Variants in PRRC2C observed in about 807,000 individuals in gnomAD.
PRRC2C encodes the protein protein PRRC2C.
Under a neutral mutation model 317.2 loss-of-function variants are expected in PRRC2C, and 72 were observed. The observed-to-expected ratio is 0.23, with a 90% CI of 0.19 to 0.28. PRRC2C has a LOEUF of 0.28. Ranked by LOEUF, PRRC2C falls within the 10% of genes least tolerant of loss-of-function variation. The probability of loss-of-function intolerance (pLI) is 1.00; values close to 1 mark genes in which losing one functional copy is unlikely to be tolerated. For missense variants in PRRC2C, 3,074 were observed against 3,459.7 expected (o/e 0.89, Z 2.80); for synonymous variants, 1,296 against 1,205.9 (o/e 1.07, Z -1.55).
chr1:171,542,654 A>G (rs1255707413), intron 16 of PRRC2C, among the ~76,000 whole-genome samples: 2 of 152,250 alleles, frequency 1.3e-5, no homozygotes, highest in African/African-American at 4.8e-5. Context: ...AGAGAGGCCC[A>G]GAAAACAAAT....
At chr1:171,538,652 C>T (rs1027003753) in intron 15 of PRRC2C, among the ~76,000 whole-genome samples, 11 of 152,148 alleles carry the variant, frequency 7.2e-5, no homozygotes, top group African/African-American at 1.9e-4. Context: ...TAGAAATTCA[C>T]ATCAGCATGG....
chr1:171,513,161 T>C lies in PRRC2C; in HGVS notation c.279T>C (p.His93=). 6.2e-7 allele frequency: 1 copy of C among 1,610,626 alleles called. No individual in the cohort carries two copies. The highest frequency in any genetic ancestry group is 8.5e-7 in the Non-Finnish European group (1 of 1,178,592). ...GGTGGGCATCAAAACAAGAGCAACA[T>C]GAAGAAGAAAAGTGAGTCAAAGTCT... ...GTGWASKQEQ[H]EEEKTPEVPP... is the part of the protein sequence containing the mutation. The change falls in exon 3 of 35, where the codon CAT becomes CAC. Residue 93 remains histidine, a synonymous_variant. Coordinates refer to ENST00000647382, the MANE Select transcript of PRRC2C (RefSeq NM_001387844.1).
Position 171,579,863 on chromosome 1 carries a change from T to C in PRRC2C, c.7308T>C (p.Tyr2436=), listed in dbSNP as rs762510017. 1 of 1,589,368 alleles carries C rather than the reference T, an allele frequency of 6.3e-7. No individual in the cohort carries two copies. The highest frequency in any genetic ancestry group is 8.5e-7 in the Non-Finnish European group (1 of 1,171,108). ...TSVQQIPIPI[Y]APLQGQHQAQ... Reference sequence around the variant, plus strand: ...TTCAGCAGATTCCAATCCCTATTTATGCACCACTGCAAGGGCAGCATCAAG... The same window carrying C: ...TTCAGCAGATTCCAATCCCTATTTACGCACCACTGCAAGGGCAGCATCAAG... The change falls in exon 28 of 35, where the codon TAT becomes TAC. Residue 2436 remains tyrosine, a synonymous_variant. Coordinates refer to ENST00000647382, the MANE Select transcript of PRRC2C (RefSeq NM_001387844.1).
intron 28 of PRRC2C, among the ~76,000 whole-genome samples, chr1:171,583,339 G>A (rs1649133180): frequency 1.5e-5 from 2 of 136,964 alleles, no homozygotes; most frequent in African/African-American, 5.6e-5. Flanking sequence ...AAACTTTTTT[G>A]TTAAAAACTA....
Position 171,536,215 on chromosome 1 carries a change from T to A in PRRC2C, c.2230T>A (p.Ser744Thr). The A allele has an allele frequency of 6.2e-7, 1 of 1,613,676 alleles. No individual in the cohort carries two copies. Among genetic ancestry groups the A allele is most frequent in the Non-Finnish European group, 8.5e-7 (1 of 1,179,712 alleles). ...GFDPRWLMMQ[S>T]YMDPRMMSGR... ...TGATCCAAGGTGGCTCATGATGCAG[T>A]CCTACATGGATCCTCGAATGATGTC... Residue 744 changes from serine (S) to threonine (T), a missense_variant, in exon 14 of 35, where the codon TCC (serine) becomes ACC (threonine). Transcript: ENST00000647382.
chr1:171,509,379 T>C (rs919603154), intron 1 of PRRC2C, among the ~76,000 whole-genome samples: 12 of 152,070 alleles, frequency 7.9e-5, no homozygotes, highest in South Asian at 2.1e-4. Context: ...AATCAGTTAG[T>C]AGTTGAAGCC....
At chr1:171,576,078 A>G (rs999535394) in intron 25 of PRRC2C, among the ~76,000 whole-genome samples, 4 of 152,214 alleles carry the variant, frequency 2.6e-5, no homozygotes, top group Non-Finnish European at 4.4e-5. Flanking sequence ...TTTTAAATCA[A>G]ACTGTGTTCC....
chr1:171,518,830 A>G (rs1255131353), intron 6 of PRRC2C, among the ~76,000 whole-genome samples: 1 of 151,346 alleles, frequency 6.6e-6, no homozygotes, highest in Non-Finnish European at 1.5e-5. Context: ...GGAAAATTTT[A>G]AACATGTACA....
intron 1 of PRRC2C, among the ~76,000 whole-genome samples, chr1:171,507,964 A>C (rs1670564476): frequency 6.6e-6 from 1 of 152,186 alleles, no homozygotes; most frequent in Non-Finnish European, 1.5e-5. Context: ...TATTTGTGAA[A>C]AGAAATGCAA....
At chr1:171,559,614 C>T (rs1327417460) in intron 19 of PRRC2C, among the ~76,000 whole-genome samples, 4 of 146,456 alleles carry the variant, frequency 2.7e-5, no homozygotes, top group African/African-American at 5.0e-5. Context: ...CTCCGCCTCC[C>T]GGATTCAAGC....
intron 32 of PRRC2C, among the ~76,000 whole-genome samples, chr1:171,588,076 A>C (rs753464262): frequency 1.5e-4 from 23 of 152,074 alleles, no homozygotes; most frequent in African/African-American, 2.2e-4. Context: ...GGGCTCAAGC[A>C]AGCCTCCTGC....
chr1:171,491,887 G>C (rs1343441946), intron 1 of PRRC2C, among the ~76,000 whole-genome samples: 4 of 152,062 alleles, frequency 2.6e-5, no homozygotes. Context: ...CATGTGGCTG[G>C]TAGTTTTATA....
At chr1:171,588,119 C>T (rs922527968) in intron 32 of PRRC2C, among the ~76,000 whole-genome samples, 5 of 152,006 alleles carry the variant, frequency 3.3e-5, no homozygotes, top group African/African-American at 4.8e-5. Context: ...ACTACATACA[C>T]GTGCCACCAC....
chr1:171,549,779 C>T (rs1301727740), intron 17 of PRRC2C, among the ~76,000 whole-genome samples: 1 of 152,132 alleles, frequency 6.6e-6, no homozygotes, highest in African/African-American at 2.4e-5. Flanking sequence ...CCAGGCTGGT[C>T]TCAAACTTCC....
rs1469420005 is a variant in PRRC2C at position 171,568,275 on chromosome 1, C to A, written c.6587C>A (p.Ser2196Tyr). The A allele has an allele frequency of 1.2e-5, 19 of 1,610,390 alleles. No homozygotes were observed. Among genetic ancestry groups the A allele is most frequent in the Non-Finnish European group, 1.3e-5 (15 of 1,178,118 alleles). ...KESVTDYTTP[S>Y]SSLPNTVATN... ...TCTGTAACAGACTATACTACACCCT[C>A]TTCTTCTTTGCCTAACACCGTGGCT... Residue 2196 changes from serine (S) to tyrosine (Y), a missense_variant, in exon 23 of 35, where the codon TCT becomes TAT. Physicochemically the swap from Ser to Tyr is moderately radical, Grantham distance 144. Coordinates refer to ENST00000647382, the MANE Select transcript of PRRC2C (RefSeq NM_001387844.1).
chr1:171,564,445 C>A (rs1683246893), intron 20 of PRRC2C, among the ~76,000 whole-genome samples: 2 of 152,178 alleles, frequency 1.3e-5, no homozygotes, highest in African/African-American at 4.8e-5. Context: ...AGTCTACTTA[C>A]TGCATTATTT....
chr1:171,589,947 G>A (rs1572178943), intron 34 of PRRC2C, among the ~76,000 whole-genome samples: 1 of 145,234 alleles, frequency 6.9e-6, no homozygotes, highest in Non-Finnish European at 1.5e-5. Context: ...TAGCAAAGAA[G>A]TAATATCAAT....
intron 3 of PRRC2C, chr1:171,513,507 C>T: frequency 2.2e-6 from 1 of 462,110 alleles, no homozygotes; most frequent in Middle Eastern, 3.2e-4. Context: ...TTCCATGATA[C>T]TAAGGATGTC....
intron 17 of PRRC2C, 101 bp from the exon 18 acceptor site, chr1:171,549,985 G>A: frequency 2.4e-6 from 2 of 819,668 alleles, no homozygotes; most frequent in East Asian, 2.9e-5. Flanking sequence ...TAGGCCTTTG[G>A]CTAGTTTTTT....
Sources: allele counts gnomAD v4.1 joint callset (sites outside exome capture counted in the v4.1 genomes callset), GRCh38; gene constraint gnomAD v4.1.1; transcripts MANE v1.5; gene names NCBI Gene and HGNC (gene_info 2026-07-23, HGNC 2026-07-21).